Variants in IMMP2L observed in about 807,000 individuals in gnomAD.
The protein encoded by IMMP2L is mitochondrial inner membrane protease subunit 2.
IMMP2L carries 18 observed loss-of-function variants against 19.3 expected under a neutral mutation model. The ratio of observed to expected loss-of-function variants is 0.93; its 90% CI spans 0.64 to 1.38. The LOEUF (loss-of-function observed/expected upper bound fraction) is 1.38. IMMP2L is among the 40% of genes most tolerant of loss of function. The pLI, the probability that IMMP2L is intolerant of heterozygous loss-of-function variation, is 0.00. For synonymous variants in IMMP2L, 76 were observed against 73.0 expected (o/e 1.04, Z -0.21); for missense variants, 233 against 218.2 (o/e 1.07, Z -0.43).
chr7:111,411,465 A>T, intron 3 of IMMP2L: 1 of 500,548 alleles, frequency 2.0e-6, no homozygotes, highest in Non-Finnish European at 4.0e-6. Context: ...TACCTGAACG[A>T]AGTCACGGGC....
intron 3 of IMMP2L, among the ~76,000 whole-genome samples, chr7:111,293,416 A>C (rs1821314741): frequency 6.6e-6 from 1 of 151,896 alleles, no homozygotes; most frequent in African/African-American, 2.4e-5. Context: ...GCAAAAAATT[A>C]ATAATGTATT....
rs1417416757 is a variant in IMMP2L, at chr7:111,124,819, C to A, written c.240-161254G>T. On this transcript the variant is annotated intron_variant, in intron 3 of 5. Transcript: ENST00000405709. ...TGAGCTTTATCCTCCTCTGATAAAT[C>A]TCTGGGAAGCAGGAAAAGAAAAAAG... The A allele has an allele frequency of 1.9e-6, 3 of 1,612,554 alleles. No homozygotes were observed. The Admixed American group carries it at 5.0e-5, about 27-fold the overall frequency.
At chr7:111,028,621 A>T (rs566136783) in intron 3 of IMMP2L, among the ~76,000 whole-genome samples, 3 of 152,302 alleles carry the variant, frequency 2.0e-5, no homozygotes, top group African/African-American at 7.2e-5. Flanking sequence ...ATTCTCTAAA[A>T]AAATAAACTA....
intron 5 of IMMP2L, among the ~76,000 whole-genome samples, chr7:110,791,083 TG>T (rs1800429289): frequency 2.0e-5 from 3 of 151,198 alleles, no homozygotes; most frequent in Admixed American, 2.0e-4. Flanking sequence ...TTACAGATAC[TG>T]GGGGGAAAAA....
chr7:111,085,291 G>C (rs1796220877), intron 3 of IMMP2L, among the ~76,000 whole-genome samples: 1 of 152,116 alleles, frequency 6.6e-6, no homozygotes, highest in South Asian at 2.1e-4. Context: ...TGAGTCAAAT[G>C]GTATTTCTGC....
intron 3 of IMMP2L, among the ~76,000 whole-genome samples, chr7:111,154,853 G>C (rs977309236): frequency 4.6e-5 from 7 of 152,088 alleles, no homozygotes; most frequent in African/African-American, 1.7e-4. Flanking sequence ...GACTTCCCAG[G>C]TTGAAGTGAT....
intron 3 of IMMP2L, among the ~76,000 whole-genome samples, chr7:111,429,362 T>C (rs1354145724): frequency 1.3e-5 from 2 of 151,896 alleles, no homozygotes; most frequent in Admixed American, 1.3e-4. Flanking sequence ...TCTTTCATCT[T>C]TCAGCAGAAG....
intron 3 of IMMP2L, among the ~76,000 whole-genome samples, chr7:110,967,951 TA>T (rs1236757861): frequency 1.3e-5 from 2 of 152,102 alleles, no homozygotes; most frequent in Non-Finnish European, 2.9e-5. Flanking sequence ...TGGCTAGAGC[TA>T]AAAGGCTTTG....
chr7:111,380,711 A>T (rs1257890513), intron 3 of IMMP2L, among the ~76,000 whole-genome samples: 3 of 152,038 alleles, frequency 2.0e-5, no homozygotes, highest in Non-Finnish European at 4.4e-5. Context: ...GTTGAGTTTG[A>T]GAGAGAAAAA....
chr7:111,015,292 T>C (rs1373366406), intron 3 of IMMP2L, among the ~76,000 whole-genome samples: 1 of 152,090 alleles, frequency 6.6e-6, no homozygotes, highest in African/African-American at 2.4e-5. Context: ...CTGAGTGAAA[T>C]AAGTCAGTCA....
intron 5 of IMMP2L, among the ~76,000 whole-genome samples, chr7:110,821,808 AGCT>A: frequency 6.6e-6 from 1 of 152,130 alleles, no homozygotes; most frequent in Non-Finnish European, 1.5e-5. Context: ...CTGTAATCCC[AGCT>A]ACTTGGAAGG....
At chr7:111,381,870 A>C (rs1831234015) in intron 3 of IMMP2L, among the ~76,000 whole-genome samples, 1 of 151,930 alleles carries the variant, frequency 6.6e-6, no homozygotes, top group Admixed American at 6.6e-5. Flanking sequence ...ATGCTTACCA[A>C]CTCTCTGGTT....
intron 1 of IMMP2L, among the ~76,000 whole-genome samples, chr7:111,549,371 G>A (rs1395790702): frequency 1.3e-5 from 2 of 152,090 alleles, no homozygotes; most frequent in African/African-American, 4.8e-5. Flanking sequence ...GAAGTTCACA[G>A]ACAAAAAGTG....
intron 3 of IMMP2L, among the ~76,000 whole-genome samples, chr7:111,268,120 C>T (rs1818019738): frequency 6.6e-6 from 1 of 152,122 alleles, no homozygotes; most frequent in Non-Finnish European, 1.5e-5. Context: ...CACTCATCAA[C>T]ACAGCACCAC....
intron 2 of IMMP2L, among the ~76,000 whole-genome samples, chr7:111,516,939 G>C (rs1845922165): frequency 6.6e-6 from 1 of 151,952 alleles, no homozygotes; most frequent in African/African-American, 2.4e-5. Flanking sequence ...CCAGTATCTT[G>C]GAAGTGCAAA....
At chr7:111,042,095 A>G in intron 3 of IMMP2L, among the ~76,000 whole-genome samples, 1 of 152,212 alleles carries the variant, frequency 6.6e-6, no homozygotes, top group Admixed American at 6.5e-5. Flanking sequence ...ATGATTCTTA[A>G]AATATTCCTT....
intron 3 of IMMP2L, among the ~76,000 whole-genome samples, chr7:111,070,951 C>T (rs888123940): frequency 1.1e-4 from 16 of 151,974 alleles, no homozygotes; most frequent in Non-Finnish European, 1.8e-4. Context: ...AACATTTGTA[C>T]TTTTTAAATA....
chr7:111,480,138 C>A (rs947056595), intron 3 of IMMP2L, among the ~76,000 whole-genome samples: 3 of 149,750 alleles, frequency 2.0e-5, no homozygotes, highest in Non-Finnish European at 3.0e-5. Context: ...GGCTGGAGTG[C>A]AGTGGCGCAA....
intron 5 of IMMP2L, among the ~76,000 whole-genome samples, chr7:110,867,427 T>C (rs747518026): frequency 1.3e-5 from 2 of 152,048 alleles, no homozygotes; most frequent in Admixed American, 6.6e-5. Flanking sequence ...ATTCAGTGCA[T>C]AGCAGTGAGA....
Sources: allele counts gnomAD v4.1 joint callset (sites outside exome capture counted in the v4.1 genomes callset), GRCh38; gene constraint gnomAD v4.1.1; transcripts MANE v1.5; gene names NCBI Gene and HGNC (gene_info 2026-07-23, HGNC 2026-07-21).